Variants in RNF214 observed in about 807,000 individuals in gnomAD.
RNF214 encodes ring finger protein 214.
RNF214 carries 25 observed loss-of-function variants against 75.9 expected under a neutral mutation model. The observed-to-expected ratio is 0.33, with a 90% CI of 0.24 to 0.46. RNF214 has a LOEUF of 0.46. Ranked by LOEUF, RNF214 falls within the 20% of genes least tolerant of loss-of-function variation. The probability of loss-of-function intolerance (pLI) is 1.00; values close to 1 mark genes in which losing one functional copy is unlikely to be tolerated. For missense variants in RNF214, 725 were observed against 857.5 expected (o/e 0.85, Z 1.93); for synonymous variants, 314 against 308.8 (o/e 1.02, Z -0.18).
chr11:117,277,665 G>A (rs947241548), intron 6 of RNF214, among the ~76,000 whole-genome samples: 7 of 152,186 alleles, frequency 4.6e-5, no homozygotes, highest in African/African-American at 1.7e-4. Flanking sequence ...GGGAATAAAA[G>A]TTTCTCTCAC....
At chr11:117,235,491 C>T (rs2032878321) in intron 2 of RNF214, among the ~76,000 whole-genome samples, 2 of 149,328 alleles carry the variant, frequency 1.3e-5, no homozygotes, top group South Asian at 2.1e-4. Context: ...TCACCACGCC[C>T]AGCCTTTTTT....
intron 6 of RNF214, among the ~76,000 whole-genome samples, chr11:117,270,972 C>CT (rs1268109116): frequency 1.3e-5 from 2 of 152,158 alleles, no homozygotes; most frequent in African/African-American, 4.8e-5. Context: ...TCTTGGCTCA[C>CT]TGTAGCAGCC....
At chr11:117,258,256 A>G (rs182874248) in intron 6 of RNF214, among the ~76,000 whole-genome samples, 108 of 152,048 alleles carry the variant, frequency 7.1e-4, no homozygotes, top group African/African-American at 2.4e-3. Flanking sequence ...TTTAGTAGAA[A>G]TGGGGTTTCA....
Position 117,281,617 on chromosome 11 carries a change from T to C in RNF214, c.1254T>C (p.His418=), listed in dbSNP as rs757774675. The C allele has an allele frequency of 6.2e-7, 1 of 1,611,594 alleles. No homozygotes were observed. The highest frequency in any genetic ancestry group is 8.5e-7 in the Non-Finnish European group (1 of 1,177,860). The part of the protein sequence containing the change: ...KKNVRDQFNS[H]IQLVRNGAKL... ...TTTTTTAGGACCAATTTAATAGTCA[T>C]ATCCAGTTAGTGAGGAACGGAGCCA... is the stretch of plus-strand genomic sequence containing the variant. Residue 418 remains histidine, a synonymous_variant, in exon 10 of 15, where the codon CAT becomes CAC. Coordinates refer to ENST00000300650, the MANE Select transcript of RNF214 (RefSeq NM_207343.4).
intron 4 of RNF214, among the ~76,000 whole-genome samples, chr11:117,242,443 A>C (rs2033105599): frequency 6.6e-6 from 1 of 152,210 alleles, no homozygotes; most frequent in Non-Finnish European, 1.5e-5. Flanking sequence ...TGTAACAGTC[A>C]AGTAGATGAA....
At chr11:117,282,934 A>G (rs2034159864) in intron 13 of RNF214, 84 bp downstream of exon 13, 1 of 1,137,256 alleles carries the variant, frequency 8.8e-7, no homozygotes, top group East Asian at 2.3e-5. Context: ...GTGCAGGAAG[A>G]AACCATCAGT....
intron 6 of RNF214, 30 bp downstream of exon 6, chr11:117,246,978 GT>G: frequency 6.4e-7 from 1 of 1,570,214 alleles, no homozygotes; most frequent in Non-Finnish European, 8.6e-7. Flanking sequence ...AAAACCCTGT[GT>G]GTATGTATAT....
intron 4 of RNF214, among the ~76,000 whole-genome samples, chr11:117,243,728 T>C (rs2033140739): frequency 6.6e-6 from 1 of 152,178 alleles, no homozygotes; most frequent in African/African-American, 2.4e-5. Flanking sequence ...TTTATTATTG[T>C]TATTTTTTGG....
At chr11:117,263,610 C>T (rs115222932) in intron 6 of RNF214, among the ~76,000 whole-genome samples, 264 of 152,218 alleles carry the variant, frequency 1.7e-3, no homozygotes, top group African/African-American at 6.0e-3. Context: ...TGCGTGCATA[C>T]GTAGGAGTCC....
At chr11:117,238,102 G>A (rs2032961724) in intron 2 of RNF214, among the ~76,000 whole-genome samples, 1 of 152,144 alleles carries the variant, frequency 6.6e-6, no homozygotes, top group Non-Finnish European at 1.5e-5. Flanking sequence ...AATCATTTAT[G>A]TTTGGCCATT....
chr11:117,249,787 C>G (rs764400149), intron 6 of RNF214, among the ~76,000 whole-genome samples: 33 of 152,304 alleles, frequency 2.2e-4, no homozygotes, highest in Admixed American at 6.5e-4. Flanking sequence ...GGTGTCTCTT[C>G]CTCTTATAAG....
chr11:117,252,796 A>AG, intron 6 of RNF214, among the ~76,000 whole-genome samples: 1 of 152,294 alleles, frequency 6.6e-6, no homozygotes, highest in Non-Finnish European at 1.5e-5. Flanking sequence ...CTGGGATTAC[A>AG]GGCATGAGCC....
intron 6 of RNF214, among the ~76,000 whole-genome samples, chr11:117,253,516 C>T (rs1202620095): frequency 6.6e-6 from 1 of 152,168 alleles, no homozygotes; most frequent in Non-Finnish European, 1.5e-5. Context: ...TCTTCCAGTG[C>T]AGAACCTCTT....
At chr11:117,280,029 A>G in intron 7 of RNF214, 25 bp downstream of exon 7, 5 of 1,583,608 alleles carry the variant, frequency 3.2e-6, no homozygotes, top group Non-Finnish European at 3.5e-6. Flanking sequence ...TGATATCTTG[A>G]AAGTCTTAGT....
chr11:117,279,850 A>T, intron 6 of RNF214, 58 bp from the exon 7 acceptor site: 1 of 1,349,180 alleles, frequency 7.4e-7, no homozygotes, highest in South Asian at 1.3e-5. Flanking sequence ...TTGCCCTGGT[A>T]TCTCTCAACA....
intron 5 of RNF214, among the ~76,000 whole-genome samples, chr11:117,246,039 C>T (rs1171727851): frequency 6.6e-6 from 1 of 152,044 alleles, no homozygotes; most frequent in Non-Finnish European, 1.5e-5. Flanking sequence ...AATCAAGGCT[C>T]ACCGTATCTT....
Position 117,234,313 on chromosome 11 carries a change from C to G in RNF214, c.41C>G (p.Pro14Arg), listed in dbSNP as rs191545890. The G allele has an allele frequency of 8.7e-6, 14 of 1,614,186 alleles. No individual in the cohort carries two copies. The East Asian group carries it at 2.9e-4, about 33-fold the overall frequency. Residue 14 changes from proline to arginine, a missense_variant, in exon 2 of 15, where the codon CCC becomes CGC. Physicochemically the swap from Pro to Arg is moderately radical, Grantham distance 103. Around this residue, in one of 2 missense-constraint regions of RNF214, gnomAD observed 362 missense variants for 344.5 expected, o/e 1.05. Transcript: ENST00000300650. ...SEVAGVVANA[P>R]SPPESSSLCA... Reference sequence around the variant, plus strand: ...GTTGCTGGTGTTGTGGCCAATGCCCCCAGTCCTCCGGAATCTTCTAGTTTA... The same window carrying G: ...GTTGCTGGTGTTGTGGCCAATGCCCGCAGTCCTCCGGAATCTTCTAGTTTA...
intron 6 of RNF214, among the ~76,000 whole-genome samples, chr11:117,274,179 A>T (rs2033964921): frequency 6.6e-6 from 1 of 152,040 alleles, no homozygotes; most frequent in Admixed American, 6.6e-5. Context: ...TTTCAAAATA[A>T]CAGATTAACA....
chr11:117,250,201 A>ATT (rs1172173650), intron 6 of RNF214, among the ~76,000 whole-genome samples: 1 of 152,212 alleles, frequency 6.6e-6, no homozygotes, highest in Non-Finnish European at 1.5e-5. Flanking sequence ...AGGGAATATC[A>ATT]TTCCAGAACT....
Sources: allele counts gnomAD v4.1 joint callset (sites outside exome capture counted in the v4.1 genomes callset), GRCh38; gene constraint gnomAD v4.1.1; regional missense constraint gnomAD v4.1.1; transcripts MANE v1.5; gene names NCBI Gene and HGNC (gene_info 2026-07-23, HGNC 2026-07-21).